CACNG3: variants seen among roughly 807,000 people sequenced by gnomAD.
The protein encoded by CACNG3 is calcium voltage-gated channel auxiliary subunit gamma 3, also known as voltage-dependent calcium channel gamma-3 subunit.
A neutral mutation model predicts 28.5 loss-of-function variants in CACNG3; 3 were observed. That is an observed-to-expected ratio of 0.11 (90% confidence interval 0.05 to 0.27). The LOEUF (loss-of-function observed/expected upper bound fraction) is 0.27, where lower values mean the gene tolerates loss of function less well. Ranked by LOEUF, CACNG3 falls within the 10% of genes least tolerant of loss-of-function variation. CACNG3 has a pLI of 1.00. For synonymous variants in CACNG3, 174 were observed against 162.2 expected (o/e 1.07, Z -0.55); for missense variants, 236 against 414.4 (o/e 0.57, Z 3.74).
chr16:24,283,322 C>A (rs146294864), intron 1 of CACNG3, among the ~76,000 whole-genome samples: 1 of 152,148 alleles, frequency 6.6e-6, no homozygotes, highest in African/African-American at 2.4e-5. Flanking sequence ...ATTGAGACTT[C>A]GCATTTAACA....
intron 1 of CACNG3, among the ~76,000 whole-genome samples, chr16:24,317,622 G>T (rs1596640491): frequency 1.7e-5 from 1 of 57,926 alleles, no homozygotes; most frequent in African/African-American, 7.2e-5. Context: ...AAGAAAGAAA[G>T]AAAGACAGAC....
intron 1 of CACNG3, among the ~76,000 whole-genome samples, chr16:24,332,185 G>C (rs562864081): frequency 6.6e-6 from 1 of 152,186 alleles, no homozygotes; most frequent in Non-Finnish European, 1.5e-5. Flanking sequence ...ATCAGGGACC[G>C]GGTGCAATGG....
At chr16:24,324,294 G>T (rs1899506318) in intron 1 of CACNG3, among the ~76,000 whole-genome samples, 1 of 152,190 alleles carries the variant, frequency 6.6e-6, no homozygotes, top group South Asian at 2.1e-4. Flanking sequence ...ACCCAGGTGT[G>T]TGTGAATATA....
intron 1 of CACNG3, among the ~76,000 whole-genome samples, chr16:24,292,097 C>T (rs764057157): frequency 6.6e-5 from 10 of 151,862 alleles, no homozygotes; most frequent in Non-Finnish European, 1.0e-4. Flanking sequence ...ACAGGTGGAG[C>T]GGATAACCGG....
intron 1 of CACNG3, among the ~76,000 whole-genome samples, chr16:24,267,701 G>A (rs912723984): frequency 1.3e-5 from 2 of 152,026 alleles, no homozygotes; most frequent in African/African-American, 4.8e-5. Context: ...GCAGAGTCTC[G>A]CTCTGTTGCC....
chr16:24,280,838 A>AAAAAAAAAAAAAAAAAAC (rs1898816857), intron 1 of CACNG3, among the ~76,000 whole-genome samples: 1 of 151,230 alleles, frequency 6.6e-6, no homozygotes, highest in African/African-American at 2.4e-5. Context: ...AAAAAAAAAA[A>AAAAAAAAAAAAAAAAAAC]AAAAAAAGAC....
At chr16:24,323,025 A>G (rs1047675624) in intron 1 of CACNG3, among the ~76,000 whole-genome samples, 2 of 152,066 alleles carry the variant, frequency 1.3e-5, no homozygotes, top group African/African-American at 4.8e-5. Context: ...CAGGAATATG[A>G]GACCAGCCTG....
intron 1 of CACNG3, among the ~76,000 whole-genome samples, chr16:24,282,438 G>A (rs1200403642): frequency 1.3e-5 from 2 of 150,842 alleles, no homozygotes; most frequent in African/African-American, 2.4e-5. Flanking sequence ...TCTTACACTC[G>A]GATAATTTGT....
intron 1 of CACNG3, among the ~76,000 whole-genome samples, chr16:24,258,869 G>C (rs1052102163): frequency 3.9e-5 from 6 of 152,154 alleles, no homozygotes; most frequent in Non-Finnish European, 2.9e-5. Flanking sequence ...GAAGTTTGAC[G>C]TTCCTCATTA....
chr16:24,321,611 A>G (rs1361977021), intron 1 of CACNG3, among the ~76,000 whole-genome samples: 1 of 152,236 alleles, frequency 6.6e-6, no homozygotes, highest in African/African-American at 2.4e-5. Context: ...CAATACGCCA[A>G]AGAGAAGCTG....
intron 1 of CACNG3, among the ~76,000 whole-genome samples, chr16:24,326,297 G>C (rs924043675): frequency 2.0e-5 from 3 of 151,330 alleles, no homozygotes; most frequent in African/African-American, 7.3e-5. Context: ...TCAGCCTCCC[G>C]AGTAGCTGGG....
At chr16:24,338,599 C>T (rs1899741600) in intron 1 of CACNG3, among the ~76,000 whole-genome samples, 2 of 152,180 alleles carry the variant, frequency 1.3e-5, no homozygotes, top group African/African-American at 4.8e-5. Flanking sequence ...CCTGCCTCGG[C>T]CTCCCAAAGT....
chr16:24,313,695 A>G (rs1382048882), intron 1 of CACNG3, among the ~76,000 whole-genome samples: 1 of 152,030 alleles, frequency 6.6e-6, no homozygotes, highest in Non-Finnish European at 1.5e-5. Context: ...CCTGGCTTCA[A>G]ATGGTGCTCC....
chr16:24,285,847 T>TTTG (rs1227810261), intron 1 of CACNG3, among the ~76,000 whole-genome samples: 1 of 144,948 alleles, frequency 6.9e-6, no homozygotes, highest in African/African-American at 2.5e-5. Context: ...TTTCTTTTCT[T>TTTG]TTTTTTTTTT....
chr16:24,266,276 C>T lies in CACNG3; in HGVS notation c.211+9311C>T, dbSNP rs9635490. On this transcript the variant is annotated intron_variant, in intron 1 of 3. Transcript: ENST00000005284. ...AGACACGGTTACTCGGTGGGTGACCCACCACAGGCAGCTGGTGTTGGGAGT... is the reference window on the plus strand; with the variant it reads ...AGACACGGTTACTCGGTGGGTGACCTACCACAGGCAGCTGGTGTTGGGAGT... Among the ~76,000 whole-genome samples, 3,320 of 152,190 alleles carry T rather than the reference C, an allele frequency of 0.022. 260 individuals are homozygous for T. In the East Asian group the frequency reaches 0.3, roughly 14 times the overall value.
At chr16:24,260,308 C>T (rs1898521071) in intron 1 of CACNG3, among the ~76,000 whole-genome samples, 1 of 152,076 alleles carries the variant, frequency 6.6e-6, no homozygotes, top group South Asian at 2.1e-4. Context: ...TAAAAAATAC[C>T]TAGGAAAAAA....
chr16:24,303,917 T>C (rs1367396676), intron 1 of CACNG3, among the ~76,000 whole-genome samples: 1 of 151,810 alleles, frequency 6.6e-6, no homozygotes, highest in Admixed American at 6.6e-5. Flanking sequence ...CAAAAATAAA[T>C]GAACAAAAGA....
intron 1 of CACNG3, among the ~76,000 whole-genome samples, chr16:24,276,074 G>A (rs1257726976): frequency 1.3e-5 from 2 of 152,192 alleles, no homozygotes; most frequent in Non-Finnish European, 2.9e-5. Context: ...TCAAACTTGT[G>A]TGAGGCTAGG....
At chr16:24,355,452 G>A (rs1255330851) in intron 3 of CACNG3, among the ~76,000 whole-genome samples, 2 of 152,140 alleles carry the variant, frequency 1.3e-5, no homozygotes, top group African/African-American at 4.8e-5. Flanking sequence ...GTGTGGTGGT[G>A]CACACCTGTG....
Sources: allele counts gnomAD v4.1 joint callset (sites outside exome capture counted in the v4.1 genomes callset), GRCh38; gene constraint gnomAD v4.1.1; transcripts MANE v1.5; gene names NCBI Gene and HGNC (gene_info 2026-07-23, HGNC 2026-07-21).